OPCML: variants seen among roughly 807,000 people sequenced by gnomAD.
OPCML encodes opioid-binding protein/cell adhesion molecule.
In OPCML, 13 loss-of-function variants were observed where a neutral mutation model predicts 37.8. The observed-to-expected ratio is 0.34, with a 90% CI of 0.22 to 0.55. The LOEUF is 0.55. Among genes scored for constraint, OPCML ranks in the 20% least tolerant of loss-of-function variants. The probability of loss-of-function intolerance (pLI) is 0.91; values close to 1 mark genes in which losing one functional copy is unlikely to be tolerated. For synonymous variants in OPCML, 176 were observed against 168.8 expected (o/e 1.04, Z -0.33); for missense variants, 341 against 435.6 (o/e 0.78, Z 1.93).
At chr11:133,480,368 G>A (rs752873674) in intron 1 of OPCML, among the ~76,000 whole-genome samples, 3 of 152,216 alleles carry the variant, frequency 2.0e-5, no homozygotes, top group African/African-American at 4.8e-5. Context: ...GTAGAACCAG[G>A]CTTTGGCCTT....
chr11:133,295,089 G>T (rs1039717041), intron 1 of OPCML, among the ~76,000 whole-genome samples: 1 of 151,966 alleles, frequency 6.6e-6, no homozygotes, highest in African/African-American at 2.4e-5. Context: ...CTCCCAAAGT[G>T]CTGGGATTAC....
chr11:133,122,989 C>T (rs1025368616), intron 1 of OPCML, among the ~76,000 whole-genome samples: 1 of 152,208 alleles, frequency 6.6e-6, no homozygotes, highest in East Asian at 1.9e-4. Flanking sequence ...GATAGATATT[C>T]TAAAATTCTC....
chr11:133,520,085 C>A (rs1047289986), intron 1 of OPCML, among the ~76,000 whole-genome samples: 2 of 152,092 alleles, frequency 1.3e-5, no homozygotes, highest in South Asian at 2.1e-4. Flanking sequence ...CTCTCCACCC[C>A]ACCCCAGGCA....
intron 2 of OPCML, among the ~76,000 whole-genome samples, chr11:132,787,592 G>A (rs1947258388): frequency 6.6e-6 from 1 of 152,004 alleles, no homozygotes; most frequent in African/African-American, 2.4e-5. Flanking sequence ...AATATTACAA[G>A]CACTATGCAA....
chr11:132,499,064 C>T (rs2096240154), intron 4 of OPCML, among the ~76,000 whole-genome samples: 1 of 152,196 alleles, frequency 6.6e-6, no homozygotes, highest in Non-Finnish European at 1.5e-5. Context: ...TGCATGGTAG[C>T]ACACCTTGAA....
At chr11:133,085,245 A>G (rs976558698) in intron 1 of OPCML, among the ~76,000 whole-genome samples, 1 of 152,190 alleles carries the variant, frequency 6.6e-6, no homozygotes, top group Non-Finnish European at 1.5e-5. Flanking sequence ...AGAACTACAG[A>G]TCTGCCTGGG....
chr11:133,070,708 T>C (rs1948518677), intron 1 of OPCML, among the ~76,000 whole-genome samples: 2 of 152,210 alleles, frequency 1.3e-5, no homozygotes, highest in Admixed American at 1.3e-4. Context: ...TAAGCTAATA[T>C]TATAATTAGT....
At chr11:133,416,902 G>C (rs1945781034) in intron 1 of OPCML, among the ~76,000 whole-genome samples, 1 of 152,142 alleles carries the variant, frequency 6.6e-6, no homozygotes, top group African/African-American at 2.4e-5. Context: ...AAGTGGATTA[G>C]AGGGTTGAAA....
chr11:133,024,521 T>C, intron 1 of OPCML: 2 of 985,422 alleles, frequency 2.0e-6, no homozygotes, highest in Non-Finnish European at 2.4e-6. Flanking sequence ...AAACGCTTAT[T>C]GCCTGCTGTA....
intron 1 of OPCML, among the ~76,000 whole-genome samples, chr11:133,372,568 G>T (rs2136755161): frequency 6.6e-6 from 1 of 152,136 alleles, no homozygotes; most frequent in South Asian, 2.1e-4. Flanking sequence ...TTATCAAATG[G>T]GGATTAAAAT....
At chr11:133,046,778 T>A (rs1324440572) in intron 1 of OPCML, among the ~76,000 whole-genome samples, 6 of 152,212 alleles carry the variant, frequency 3.9e-5, no homozygotes, top group African/African-American at 9.6e-5. Flanking sequence ...ACAGATTTTT[T>A]AAAAAATCTA....
intron 1 of OPCML, chr11:133,065,209 G>T (rs1948422140): frequency 6.6e-6 from 1 of 152,488 alleles, no homozygotes; most frequent in Admixed American, 6.5e-5. Context: ...GGGCTGGGCT[G>T]CTTCACTGGG....
chr11:133,007,459 C>T (rs934261213), intron 1 of OPCML: 9 of 985,364 alleles, frequency 9.1e-6, no homozygotes, highest in Non-Finnish European at 9.6e-6. Context: ...CACACAAAGC[C>T]CTGCTGATTA....
At chr11:133,406,380 A>G (rs960741131) in intron 1 of OPCML, among the ~76,000 whole-genome samples, 3 of 152,164 alleles carry the variant, frequency 2.0e-5, no homozygotes, top group Non-Finnish European at 2.9e-5. Context: ...GAAAGGGAGA[A>G]TAAGAACCAG....
intron 3 of OPCML, among the ~76,000 whole-genome samples, chr11:132,614,662 G>A (rs1626001): frequency 0.27 from 41,705 of 152,078 alleles, 6,841 homozygotes; most frequent in East Asian, 0.65. Flanking sequence ...GTTGAAATGA[G>A]GAGAGAAAAA....
At chr11:133,241,837 C>G (rs922361458) in intron 1 of OPCML, among the ~76,000 whole-genome samples, 1 of 152,184 alleles carries the variant, frequency 6.6e-6, no homozygotes, top group African/African-American at 2.4e-5. Context: ...CAACAACTTC[C>G]ACGCTTCCAC....
chr11:133,460,045 C>T (rs369402229), intron 1 of OPCML, among the ~76,000 whole-genome samples: 18 of 151,886 alleles, frequency 1.2e-4, no homozygotes, highest in Admixed American at 2.0e-4. Flanking sequence ...AATGGAATGA[C>T]GAGAAATTAA....
chr11:132,944,506 C>T (rs1945699077), intron 1 of OPCML, among the ~76,000 whole-genome samples: 1 of 152,174 alleles, frequency 6.6e-6, no homozygotes, highest in Admixed American at 6.5e-5. Context: ...GGACGCCTGT[C>T]CCCAAAGTGG....
At chr11:132,756,385 G>A (rs754753753) in intron 2 of OPCML, among the ~76,000 whole-genome samples, 1 of 152,146 alleles carries the variant, frequency 6.6e-6, no homozygotes, top group Non-Finnish European at 1.5e-5. Context: ...TTTCTTGGCA[G>A]CAAAAACAAA....
Sources: allele counts gnomAD v4.1 joint callset (sites outside exome capture counted in the v4.1 genomes callset), GRCh38; gene constraint gnomAD v4.1.1; transcripts MANE v1.5; gene names NCBI Gene and HGNC (gene_info 2026-07-23, HGNC 2026-07-21).